Variants in KIAA1328 observed in about 807,000 individuals in gnomAD.
KIAA1328 encodes KIAA1328.
In KIAA1328, 52 loss-of-function variants were observed where a neutral mutation model predicts 68.1. The ratio of observed to expected loss-of-function variants is 0.76; its 90% CI spans 0.61 to 0.96. The LOEUF (loss-of-function observed/expected upper bound fraction) is 0.96, where lower values mean the gene tolerates loss of function less well. Among genes scored for constraint, KIAA1328 ranks in the 40% least tolerant of loss-of-function variants. The pLI is 0.00. For synonymous variants in KIAA1328, 232 were observed against 239.4 expected, an observed-to-expected ratio of 0.97 and a Z score of 0.28; for missense variants, 641 against 677.6, an observed-to-expected ratio of 0.95 and a Z score of 0.60.
intron 5 of KIAA1328, among the ~76,000 whole-genome samples, chr18:36,928,686 A>G (rs555942057): frequency 5.3e-5 from 8 of 152,160 alleles, no homozygotes; most frequent in African/African-American, 1.7e-4. Flanking sequence ...GAGAGAGAGA[A>G]TGTGTGTGAG....
chr18:37,178,230 T>G (rs2059631687), intron 9 of KIAA1328, among the ~76,000 whole-genome samples: 2 of 152,136 alleles, frequency 1.3e-5, no homozygotes. Flanking sequence ...TCCTAGCCTC[T>G]AGTATCACTA....
chr18:36,919,941 T>C (rs754953694), intron 5 of KIAA1328, among the ~76,000 whole-genome samples: 1 of 152,172 alleles, frequency 6.6e-6, no homozygotes, highest in Non-Finnish European at 1.5e-5. Flanking sequence ...TTGTTTAACT[T>C]CTTAAGTTCC....
In KIAA1328 at chr18:36,936,029, A is replaced by T. The variant is rs115822329; in HGVS notation, c.449-23279A>T. On this transcript the variant is annotated intron_variant, in intron 5 of 9. Transcript: ENST00000280020. The stretch of plus-strand genomic sequence containing the variant: ...TTGTTGTGTTTATATACAACTAGGG[A>T]AGAAAATGTTAACTCTGCAGTTTTA... Among the ~76,000 whole-genome samples, 817 of 152,294 alleles carry T rather than the reference A, an allele frequency of 5.4e-3. 11 individuals are homozygous for T. Among genetic ancestry groups the T allele is most frequent in the African/African-American group, 0.018 (762 of 41,554 alleles).
chr18:36,878,276 C>T (rs1331421904), intron 4 of KIAA1328, among the ~76,000 whole-genome samples: 12 of 152,154 alleles, frequency 7.9e-5, no homozygotes, highest in African/African-American at 1.9e-4. Context: ...TTCTCCTTTG[C>T]GTATGAAGCT....
At chr18:37,034,954 A>G (rs1385748255) in intron 6 of KIAA1328, among the ~76,000 whole-genome samples, 1 of 152,176 alleles carries the variant, frequency 6.6e-6, no homozygotes, top group Non-Finnish European at 1.5e-5. Flanking sequence ...ACTCCATTTG[A>G]TTTTCTTTTA....
intron 4 of KIAA1328, among the ~76,000 whole-genome samples, chr18:36,881,642 A>G (rs1265978127): frequency 6.6e-6 from 1 of 152,066 alleles, no homozygotes; most frequent in Non-Finnish European, 1.5e-5. Context: ...CCAGACAACC[A>G]CTGCTCTAAT....
At chr18:37,039,859 T>G (rs1293453011) in intron 6 of KIAA1328, among the ~76,000 whole-genome samples, 1 of 152,198 alleles carries the variant, frequency 6.6e-6, no homozygotes, top group African/African-American at 2.4e-5. Context: ...AATGTAGGTG[T>G]CTGTTAAACT....
intron 9 of KIAA1328, among the ~76,000 whole-genome samples, chr18:37,193,415 G>C (rs552573547): frequency 6.6e-6 from 1 of 152,236 alleles, no homozygotes; most frequent in East Asian, 1.9e-4. Flanking sequence ...TCATCAGTTT[G>C]GGTCAGATTT....
intron 9 of KIAA1328, among the ~76,000 whole-genome samples, chr18:37,175,359 C>G (rs2059579218): frequency 6.6e-6 from 1 of 152,104 alleles, no homozygotes; most frequent in South Asian, 2.1e-4. Context: ...TGGATCATAT[C>G]AACATTGTAG....
chr18:37,190,747 C>T lies in KIAA1328; in HGVS notation c.1523+17666C>T, dbSNP rs559530717. Among the ~76,000 whole-genome samples the T allele has an allele frequency of 1.7e-3, 263 of 152,218 alleles. 6 individuals are homozygous for T. The highest frequency in any genetic ancestry group is 2.1e-3 in the Non-Finnish European group (144 of 68,022). On this transcript the variant is annotated intron_variant, in intron 9 of 9. Coordinates refer to ENST00000280020, the MANE Select transcript of KIAA1328 (RefSeq NM_020776.3). Reference sequence around the variant, plus strand: ...TCCTTCAATTTATCATTGATTTTGACCCAAACAAGGGATGTGAGGTTTAAT... The same window carrying T: ...TCCTTCAATTTATCATTGATTTTGATCCAAACAAGGGATGTGAGGTTTAAT...
chr18:36,952,189 G>A (rs1317375550), intron 5 of KIAA1328, among the ~76,000 whole-genome samples: 1 of 152,034 alleles, frequency 6.6e-6, no homozygotes, highest in Non-Finnish European at 1.5e-5. Flanking sequence ...GTACTGCACA[G>A]CCTACCTACC....
intron 5 of KIAA1328, among the ~76,000 whole-genome samples, chr18:36,947,056 C>G (rs564683566): frequency 6.6e-6 from 1 of 152,020 alleles, no homozygotes; most frequent in African/African-American, 2.4e-5. Context: ...CCCAGCTACT[C>G]GGGAGGCTGA....
At chr18:36,923,589 ATTGTAT>A (rs1446908265) in intron 5 of KIAA1328, among the ~76,000 whole-genome samples, 2 of 152,186 alleles carry the variant, frequency 1.3e-5, no homozygotes, top group African/African-American at 4.8e-5. Context: ...CATTAAAGAA[ATTGTAT>A]TTGTAGTTAA....
chr18:36,895,337 G>C (rs575844673), intron 5 of KIAA1328, among the ~76,000 whole-genome samples: 36 of 152,272 alleles, frequency 2.4e-4, no homozygotes, highest in Non-Finnish European at 4.7e-4. Flanking sequence ...GCTTTGCAAA[G>C]GCTTTAGGCT....
At chr18:36,897,971 T>A (rs1473776481) in intron 5 of KIAA1328, among the ~76,000 whole-genome samples, 1 of 152,064 alleles carries the variant, frequency 6.6e-6, no homozygotes, top group Non-Finnish European at 1.5e-5. Context: ...CAAATATGAT[T>A]TATCTCAATG....
chr18:36,907,504 A>G (rs191335589), intron 5 of KIAA1328, among the ~76,000 whole-genome samples: 20 of 152,178 alleles, frequency 1.3e-4, no homozygotes, highest in Admixed American at 5.9e-4. Context: ...TTACAAGTGG[A>G]TGTTGAATTT....
At chr18:37,116,723 C>A (rs1443054395) in intron 7 of KIAA1328, among the ~76,000 whole-genome samples, 1 of 152,114 alleles carries the variant, frequency 6.6e-6, no homozygotes, top group Non-Finnish European at 1.5e-5. Context: ...AGTGAACAGG[C>A]AACCTACAGA....
intron 4 of KIAA1328, among the ~76,000 whole-genome samples, chr18:36,871,207 G>C (rs887505719): frequency 2.6e-5 from 4 of 152,146 alleles, no homozygotes; most frequent in Admixed American, 2.6e-4. Context: ...CCTCACATCA[G>C]CCTAATATCT....
At chr18:37,071,320 A>T (rs1051955192) in intron 7 of KIAA1328, among the ~76,000 whole-genome samples, 1 of 151,804 alleles carries the variant, frequency 6.6e-6, no homozygotes, top group African/African-American at 2.4e-5. Context: ...CAATCTGCCT[A>T]CCTTATCCTT....
Sources: gnomAD v4.1 joint callset for allele counts (sites outside exome capture counted in the v4.1 genomes callset) on GRCh38, gnomAD v4.1.1 for gene constraint, MANE v1.5 for transcripts, NCBI Gene and HGNC (gene_info 2026-07-23, HGNC 2026-07-21) for gene names.